Variants in BICD1 observed in about 807,000 individuals in gnomAD.
BICD1 encodes the protein protein bicaudal D homolog 1.
A neutral mutation model predicts 92.5 loss-of-function variants in BICD1; 35 were observed. The observed-to-expected ratio is 0.38, with a 90% CI of 0.29 to 0.50. The LOEUF is 0.50. Among genes scored for constraint, BICD1 ranks in the 20% least tolerant of loss-of-function variants. The pLI is 0.93. For synonymous variants in BICD1, 429 were observed against 465.1 expected (o/e 0.92, Z 1.00); for missense variants, 950 against 1,189.8 (o/e 0.80, Z 2.97).
At chr12:32,366,851 A>G (rs977980780) in intron 8 of BICD1, among the ~76,000 whole-genome samples, 2 of 152,214 alleles carry the variant, frequency 1.3e-5, no homozygotes, top group African/African-American at 2.4e-5. Flanking sequence ...TAATATAGTC[A>G]CCTAGTACCA....
Position 32,185,480 on chromosome 12 carries a change from A to T in BICD1, c.214-30767A>T, listed in dbSNP as rs139053881. Among the ~76,000 whole-genome samples, 405 of 152,310 alleles carry T rather than the reference A, an allele frequency of 2.7e-3. 2 individuals are homozygous for T. The highest frequency in any genetic ancestry group is 9.1e-3 in the African/African-American group (378 of 41,570). ...TATTCCATGTCACTGTCATTCTGAG[A>T]TATGGGCTGAAGGAACATCCTCTCC... On this transcript the variant is annotated intron_variant, in intron 1 of 9. Transcript: ENST00000652176.
intron 1 of BICD1, among the ~76,000 whole-genome samples, chr12:32,189,193 C>T (rs1034003944): frequency 6.6e-6 from 1 of 152,168 alleles, no homozygotes; most frequent in African/African-American, 2.4e-5. Context: ...GCAGTTAGAA[C>T]TTAAGAAGAA....
chr12:32,187,392 G>A (rs1004913888), intron 1 of BICD1, among the ~76,000 whole-genome samples: 4 of 152,124 alleles, frequency 2.6e-5, no homozygotes, highest in South Asian at 2.1e-4. Flanking sequence ...TGAATCTATG[G>A]GCTGGGCGCG....
intron 2 of BICD1, among the ~76,000 whole-genome samples, chr12:32,283,077 T>C (rs1282742215): frequency 1.3e-5 from 2 of 152,200 alleles, no homozygotes; most frequent in East Asian, 3.8e-4. Flanking sequence ...CCATATCTCC[T>C]TGGGGTTTTT....
chr12:32,138,310 G>T, intron 1 of BICD1, among the ~76,000 whole-genome samples: 1 of 152,166 alleles, frequency 6.6e-6, no homozygotes, highest in East Asian at 1.9e-4. Flanking sequence ...GTCAGGCAGT[G>T]TGACTTCAAA....
At chr12:32,175,266 A>G (rs970296895) in intron 1 of BICD1, among the ~76,000 whole-genome samples, 4 of 152,198 alleles carry the variant, frequency 2.6e-5, no homozygotes, top group Non-Finnish European at 5.9e-5. Context: ...AACAATCTAC[A>G]CTACTTTCCC....
chr12:32,341,062 T>C (rs1938346817), intron 8 of BICD1, among the ~76,000 whole-genome samples: 1 of 152,230 alleles, frequency 6.6e-6, no homozygotes. Context: ...ATCCACACTG[T>C]GCACATCTTA....
Position 32,191,080 on chromosome 12 carries a change from G to A in BICD1, c.214-25167G>A, listed in dbSNP as rs541832795. On this transcript the variant is annotated intron_variant, in intron 1 of 9. Coordinates refer to ENST00000652176, the MANE Select transcript of BICD1 (RefSeq NM_001714.4). Reference sequence around the variant, plus strand: ...AACATACCAAAAGTTACAGGATGCAGCAAAAGCAATTCTAAGAGGGAAGTT... The same window carrying A: ...AACATACCAAAAGTTACAGGATGCAACAAAAGCAATTCTAAGAGGGAAGTT... 7.9e-5 allele frequency among the ~76,000 whole-genome samples: 12 copies of A among 152,238 alleles called. No individual in the cohort carries two copies. In the South Asian group the frequency reaches 2.5e-3, roughly 32 times the overall value.
At chr12:32,321,566 A>G (rs1038563468) in intron 4 of BICD1, among the ~76,000 whole-genome samples, 1 of 152,198 alleles carries the variant, frequency 6.6e-6, no homozygotes, top group African/African-American at 2.4e-5. Flanking sequence ...CTCAGTCACT[A>G]CAGAAGATTA....
At chr12:32,257,312 T>G (rs1050306766) in intron 2 of BICD1, among the ~76,000 whole-genome samples, 3 of 152,054 alleles carry the variant, frequency 2.0e-5, no homozygotes, top group African/African-American at 7.2e-5. Flanking sequence ...GGTTGGACAT[T>G]TTGTTAGGGA....
At chr12:32,323,120 T>G (rs1369421214) in intron 4 of BICD1, among the ~76,000 whole-genome samples, 4 of 152,214 alleles carry the variant, frequency 2.6e-5, no homozygotes, top group Non-Finnish European at 5.9e-5. Flanking sequence ...TATTACATAA[T>G]TACCAGGTTT....
At chr12:32,202,892 T>A (rs941521358) in intron 1 of BICD1, among the ~76,000 whole-genome samples, 6 of 152,212 alleles carry the variant, frequency 3.9e-5, no homozygotes, top group Non-Finnish European at 7.4e-5. Flanking sequence ...ATTATAGGCG[T>A]GAGCCACCGC....
rs1939762835 is a variant in BICD1 at position 32,372,108 on chromosome 12, T to C, written c.2840+4363T>C. ...TTTTCCCTCAAACTGAAGAGGAATG[T>C]TTGTTTAATGAGAAACAGAAGATGT... is the stretch of plus-strand genomic sequence containing the variant. On this transcript the variant is annotated intron_variant, in intron 9 of 9. Coordinates refer to ENST00000652176, the MANE Select transcript of BICD1 (RefSeq NM_001714.4). Among the ~76,000 whole-genome samples, 3 of 152,334 alleles carry C rather than the reference T, an allele frequency of 2.0e-5. No homozygotes were observed. The South Asian group carries it at 6.2e-4, about 32-fold the overall frequency.
At chr12:32,173,634 A>G (rs1278270651) in intron 1 of BICD1, among the ~76,000 whole-genome samples, 1 of 152,186 alleles carries the variant, frequency 6.6e-6, no homozygotes, top group Non-Finnish European at 1.5e-5. Flanking sequence ...TTCTCAGTTC[A>G]GTAGCTCAAA....
At chr12:32,219,098 T>A (rs944634514) in intron 2 of BICD1, among the ~76,000 whole-genome samples, 4 of 152,172 alleles carry the variant, frequency 2.6e-5, no homozygotes, top group Admixed American at 6.5e-5. Context: ...AGAACAGTTA[T>A]GACATGATGG....
chr12:32,346,924 A>G (rs1306447556), intron 8 of BICD1, among the ~76,000 whole-genome samples: 1 of 148,160 alleles, frequency 6.7e-6, no homozygotes, highest in African/African-American at 2.5e-5. Context: ...TTAAGATGGC[A>G]TGTATTTCGG....
At chr12:32,281,812 C>T (rs1395312141) in intron 2 of BICD1, among the ~76,000 whole-genome samples, 4 of 152,026 alleles carry the variant, frequency 2.6e-5, no homozygotes, top group Admixed American at 2.6e-4. Context: ...TTCAGGTCAC[C>T]ACCAATCCAA....
chr12:32,248,905 C>CA (rs1447069080), intron 2 of BICD1, among the ~76,000 whole-genome samples: 1 of 152,226 alleles, frequency 6.6e-6, no homozygotes, highest in African/African-American at 2.4e-5. Flanking sequence ...TTCCAGTGCG[C>CA]ATGTGGGCCC....
intron 1 of BICD1, among the ~76,000 whole-genome samples, chr12:32,184,412 G>T (rs183407639): frequency 1.3e-5 from 2 of 152,068 alleles, no homozygotes; most frequent in East Asian, 3.9e-4. Context: ...TCAGCCTCCC[G>T]AGTAGCTGGG....
Sources: allele counts gnomAD v4.1 joint callset (sites outside exome capture counted in the v4.1 genomes callset), GRCh38; gene constraint gnomAD v4.1.1; transcripts MANE v1.5; gene names NCBI Gene and HGNC (gene_info 2026-07-23, HGNC 2026-07-21).